WDR7: variants seen among roughly 807,000 people sequenced by gnomAD.
The protein encoded by WDR7 is WD repeat-containing protein 7.
In WDR7, 46 loss-of-function variants were observed where a neutral mutation model predicts 169.4. The observed-to-expected ratio is 0.27, with a 90% CI of 0.21 to 0.35. The LOEUF is 0.35. WDR7 is among the 10% of genes least tolerant of loss of function. The probability of loss-of-function intolerance (pLI) is 1.00; values close to 1 mark genes in which losing one functional copy is unlikely to be tolerated. For synonymous variants in WDR7, 612 were observed against 666.8 expected, an observed-to-expected ratio of 0.92 and a Z score of 1.27; for missense variants, 1,534 against 1,859.3, an observed-to-expected ratio of 0.83 and a Z score of 3.22.
At chr18:56,759,456 G>A (rs559645156) in intron 16 of WDR7, among the ~76,000 whole-genome samples, 3 of 152,108 alleles carry the variant, frequency 2.0e-5, no homozygotes, top group African/African-American at 7.2e-5. Context: ...TTTTCATTAG[G>A]AGATGGAGGA....
At chr18:56,695,980 T>G (rs1359268930) in intron 11 of WDR7, among the ~76,000 whole-genome samples, 2 of 152,128 alleles carry the variant, frequency 1.3e-5, no homozygotes, top group Non-Finnish European at 2.9e-5. Flanking sequence ...ATATTTTAGG[T>G]TTTTTGTATC....
intron 3 of WDR7, 52 bp downstream of exon 3, chr18:56,679,490 C>A: frequency 7.3e-7 from 1 of 1,362,278 alleles, no homozygotes; most frequent in Non-Finnish European, 1.0e-6. Context: ...ATAACTAGCA[C>A]CAATGCCTTG....
At chr18:56,919,185 G>A (rs550754426) in intron 21 of WDR7, among the ~76,000 whole-genome samples, 7 of 152,240 alleles carry the variant, frequency 4.6e-5, no homozygotes, top group Non-Finnish European at 8.8e-5. Flanking sequence ...ATGTACAGCT[G>A]ACAAACTGCA....
At chr18:56,993,151 G>T (rs900171237) in intron 26 of WDR7, among the ~76,000 whole-genome samples, 1 of 152,182 alleles carries the variant, frequency 6.6e-6, no homozygotes, top group African/African-American at 2.4e-5. Flanking sequence ...CTTAGTAGAT[G>T]AATAAATTGG....
At chr18:56,747,040 A>G (rs1327611685) in intron 14 of WDR7, among the ~76,000 whole-genome samples, 1 of 152,234 alleles carries the variant, frequency 6.6e-6, no homozygotes, top group African/African-American at 2.4e-5. Flanking sequence ...AGTGCTCAGC[A>G]CAGTGTTCAT....
chr18:56,716,324 G>A lies in WDR7; in HGVS notation c.1579-1640G>A, dbSNP rs115999159. Among the ~76,000 whole-genome samples the A allele has an allele frequency of 3.8e-3, 581 of 151,878 alleles. 9 individuals carry two copies. The highest frequency in any genetic ancestry group is 0.013 in the African/African-American group (558 of 41,446). ...TGAAGGTTTGTAATACTATTTCTCC[G>A]AACTTAGTTTTTTTTTAACTTGTAA... On this transcript the variant is annotated intron_variant, in intron 12 of 27. Coordinates refer to ENST00000254442, the MANE Select transcript of WDR7 (RefSeq NM_015285.3).
At position 56,717,874 on chromosome 18, in the gene WDR7, A is replaced by G. The variant is rs926162869; in HGVS notation, c.1579-90A>G. 11 of 1,291,176 alleles carry G rather than the reference A, an allele frequency of 8.5e-6. No individual in the cohort carries two copies. In the African/African-American group the frequency reaches 1.5e-4, roughly 18 times the overall value. 80.0% of individuals were successfully genotyped at this position (1,291,176 alleles called of 1,614,324 possible). Reference sequence around the variant, plus strand: ...GTGGTTTTTCAGTGGCAGCAAATGTATAATTAATTTTGCCTTAAGTTATTG... The same window carrying G: ...GTGGTTTTTCAGTGGCAGCAAATGTGTAATTAATTTTGCCTTAAGTTATTG... On this transcript the variant is annotated intron_variant, in intron 12 of 27. Transcript: ENST00000254442.
chr18:57,025,408 G>A (rs1167059741), intron 27 of WDR7, among the ~76,000 whole-genome samples: 1 of 152,114 alleles, frequency 6.6e-6, no homozygotes, highest in Non-Finnish European at 1.5e-5. Context: ...GAACATCCAA[G>A]AAAGCAATAA....
chr18:57,036,521 G>T, the WDR7 span: 3 of 152,404 alleles, frequency 2.0e-5, no homozygotes, highest in East Asian at 5.8e-4. Context: ...CCACATCACA[G>T]TCCAGCTCCC....
chr18:56,807,521 GAGA>G (rs1321548651), intron 19 of WDR7, among the ~76,000 whole-genome samples: 1 of 152,080 alleles, frequency 6.6e-6, no homozygotes, highest in Non-Finnish European at 1.5e-5. Flanking sequence ...TTTTGGGAAA[GAGA>G]AATAATAAAG....
intron 21 of WDR7, among the ~76,000 whole-genome samples, chr18:56,899,748 C>T (rs1490516918): frequency 6.6e-6 from 1 of 151,962 alleles, no homozygotes; most frequent in Non-Finnish European, 1.5e-5. Context: ...AAGCCTGAAA[C>T]TAATCTTGAC....
At chr18:56,731,267 G>A in intron 13 of WDR7, 116 bp from the exon 14 acceptor site, 2 of 1,195,910 alleles carry the variant, frequency 1.7e-6, no homozygotes, top group Non-Finnish European at 2.3e-6. Context: ...AAATTTCCAG[G>A]AGGCATTGAT....
intron 20 of WDR7, among the ~76,000 whole-genome samples, chr18:56,879,698 T>A (rs1401697175): frequency 6.6e-6 from 1 of 152,020 alleles, no homozygotes; most frequent in African/African-American, 2.4e-5. Flanking sequence ...TGTTGCCTTC[T>A]TAGAGTTGTT....
At chr18:56,964,658 G>T (rs2047382441) in intron 26 of WDR7, among the ~76,000 whole-genome samples, 2 of 152,106 alleles carry the variant, frequency 1.3e-5, no homozygotes, top group Admixed American at 1.3e-4. Context: ...AAAGTGCTGG[G>T]ACTACAGGCA....
intron 25 of WDR7, among the ~76,000 whole-genome samples, chr18:56,941,289 CATA>C (rs58883266): frequency 3.3e-5 from 5 of 150,926 alleles, no homozygotes; most frequent in African/African-American, 7.3e-5. Flanking sequence ...AAGGAGAAGG[CATA>C]ATAATAATAA....
intron 26 of WDR7, among the ~76,000 whole-genome samples, chr18:56,963,763 T>C (rs952850571): frequency 2.6e-5 from 4 of 152,168 alleles, no homozygotes. Flanking sequence ...GAAAACACTC[T>C]GAATACTTGT....
chr18:56,675,607 A>C (rs1341503270), intron 2 of WDR7, among the ~76,000 whole-genome samples: 2 of 150,696 alleles, frequency 1.3e-5, no homozygotes, highest in Non-Finnish European at 2.9e-5. Context: ...TTTTTAGTGG[A>C]TCCTTTAGGA....
intron 20 of WDR7, among the ~76,000 whole-genome samples, chr18:56,849,653 C>T (rs1220532124): frequency 2.6e-5 from 4 of 152,116 alleles, no homozygotes; most frequent in Non-Finnish European, 5.9e-5. Context: ...TCTTGTCTTC[C>T]TATAGACCAT....
chr18:56,837,113 C>A (rs561314941), intron 20 of WDR7, among the ~76,000 whole-genome samples: 1 of 152,314 alleles, frequency 6.6e-6, no homozygotes, highest in African/African-American at 2.4e-5. Flanking sequence ...AAGTCACTCA[C>A]ATTTTAACCA....
Sources: allele counts gnomAD v4.1 joint callset (sites outside exome capture counted in the v4.1 genomes callset), GRCh38; gene constraint gnomAD v4.1.1; transcripts MANE v1.5; gene names NCBI Gene and HGNC (gene_info 2026-07-23, HGNC 2026-07-21).